CDH13: variants seen among roughly 807,000 people sequenced by gnomAD.
CDH13 encodes cadherin 13.
A neutral mutation model predicts 63.8 loss-of-function variants in CDH13; 24 were observed. The observed-to-expected ratio is 0.38, with a 90% CI of 0.27 to 0.53. The LOEUF (loss-of-function observed/expected upper bound fraction) is 0.53. Among genes scored for constraint, CDH13 ranks in the 20% least tolerant of loss-of-function variants. CDH13 has a pLI of 0.85. For missense variants in CDH13, 1,049 were observed against 903.1 expected, an observed-to-expected ratio of 1.16 and a Z score of -2.07; for synonymous variants, 503 against 355.3, an observed-to-expected ratio of 1.42 and a Z score of -4.67.
chr16:83,417,307 C>G (rs772052526), intron 6 of CDH13, among the ~76,000 whole-genome samples: 1 of 152,172 alleles, frequency 6.6e-6, no homozygotes, highest in Non-Finnish European at 1.5e-5. Flanking sequence ...TTCCGGTTTT[C>G]TCCCCTTTCC....
chr16:82,844,691 G>C (rs1174802199), intron 1 of CDH13: 1 of 142,224 alleles, frequency 7.0e-6, no homozygotes, highest in African/African-American at 2.6e-5. Flanking sequence ...CCAGGCTGGA[G>C]TGCGGTGATG....
chr16:83,565,560 G>A (rs1228270854), intron 7 of CDH13, among the ~76,000 whole-genome samples: 1 of 151,952 alleles, frequency 6.6e-6, no homozygotes, highest in East Asian at 1.9e-4. Context: ...CTGAGAGGAA[G>A]GACAAGGCAG....
intron 3 of CDH13, among the ~76,000 whole-genome samples, chr16:83,080,871 G>GTTTT (rs71148809): frequency 0.066 from 3,107 of 46,816 alleles, 675 homozygotes; most frequent in Non-Finnish European, 0.089. Context: ...TTGTTTTTGT[G>GTTTT]TTTTTTTTTT....
At chr16:83,653,920 A>T (rs1258200581) in intron 8 of CDH13, among the ~76,000 whole-genome samples, 2 of 152,142 alleles carry the variant, frequency 1.3e-5, no homozygotes, top group African/African-American at 4.8e-5. Context: ...CAGACAGGGG[A>T]TTGAAGGCTT....
At chr16:82,852,430 C>T (rs1416758019) in intron 1 of CDH13, among the ~76,000 whole-genome samples, 3 of 152,144 alleles carry the variant, frequency 2.0e-5, no homozygotes, top group African/African-American at 7.2e-5. Flanking sequence ...ACTCTGCCAC[C>T]TTGGGAGTCC....
chr16:83,077,957 G>A (rs2032967498), intron 3 of CDH13, among the ~76,000 whole-genome samples: 1 of 152,056 alleles, frequency 6.6e-6, no homozygotes, highest in Non-Finnish European at 1.5e-5. Context: ...CTACCCATAT[G>A]TATGCTTATT....
chr16:82,907,323 C>T (rs924099361), intron 2 of CDH13, among the ~76,000 whole-genome samples: 4 of 152,068 alleles, frequency 2.6e-5, no homozygotes, highest in South Asian at 4.2e-4. Flanking sequence ...CCTCACTAGG[C>T]TCCCGGAAGA....
intron 10 of CDH13, among the ~76,000 whole-genome samples, chr16:83,691,261 G>A (rs561067323): frequency 3.9e-5 from 6 of 152,258 alleles, no homozygotes; most frequent in South Asian, 2.1e-4. Context: ...ACAGGAATTC[G>A]GTCTTGTTCT....
intron 13 of CDH13, among the ~76,000 whole-genome samples, chr16:83,787,004 A>C (rs1405022708): frequency 6.6e-6 from 1 of 152,174 alleles, no homozygotes; most frequent in Non-Finnish European, 1.5e-5. Flanking sequence ...GCTACCATGA[A>C]TTAGCTATTC....
In CDH13 at chr16:83,115,351, TACTC is replaced by T. The variant is rs372845027; in HGVS notation, c.367-10032_367-10029del. On this transcript the variant is annotated intron_variant, in intron 3 of 13. Coordinates refer to ENST00000567109, the MANE Select transcript of CDH13 (RefSeq NM_001257.5). The stretch of plus-strand genomic sequence containing the variant: ...AGCACTGTGCCTGGCATGTAATAAA[TACTC>T]AATAAATGGCAGTATTTTCTATGGC... Among the ~76,000 whole-genome samples, 689 of 152,334 alleles carry T rather than the reference TACTC, an allele frequency of 4.5e-3. 6 individuals are homozygous for T. Among genetic ancestry groups the T allele is most frequent in the African/African-American group, 0.016 (657 of 41,582 alleles).
chr16:83,241,822 A>G (rs4782760), intron 5 of CDH13, among the ~76,000 whole-genome samples: 150,641 of 152,270 alleles, frequency 0.99, 74,538 homozygotes, highest in Non-Finnish European at 1. Context: ...TTTGATGAGC[A>G]TAAGTTTTTA....
At chr16:83,387,263 G>A (rs1358620278) in intron 6 of CDH13, among the ~76,000 whole-genome samples, 1 of 152,154 alleles carries the variant, frequency 6.6e-6, no homozygotes, top group Non-Finnish European at 1.5e-5. Context: ...CTCAACTTAA[G>A]GGCTGTTCTT....
chr16:82,672,266 G>A (rs995267962), intron 1 of CDH13, among the ~76,000 whole-genome samples: 3 of 152,134 alleles, frequency 2.0e-5, no homozygotes, highest in Admixed American at 6.5e-5. Context: ...CTGATATAAT[G>A]TATGCACACC....
At chr16:83,685,896 G>T (rs1055336838) in intron 10 of CDH13, among the ~76,000 whole-genome samples, 2 of 152,130 alleles carry the variant, frequency 1.3e-5, no homozygotes, top group Non-Finnish European at 2.9e-5. Context: ...TTTTCACAAC[G>T]CCCTGCAGAC....
chr16:83,349,702 G>A (rs2090911762), intron 6 of CDH13, among the ~76,000 whole-genome samples: 2 of 152,014 alleles, frequency 1.3e-5, no homozygotes, highest in South Asian at 4.2e-4. Flanking sequence ...CTGCATTCAA[G>A]CAATTCTCCT....
chr16:83,488,913 C>T (rs539321518), intron 7 of CDH13, among the ~76,000 whole-genome samples: 1 of 152,330 alleles, frequency 6.6e-6, no homozygotes, highest in African/African-American at 2.4e-5. Context: ...GGATGAGCCA[C>T]TGCGCCCGGC....
chr16:83,122,779 A>G (rs1257268767), intron 3 of CDH13, among the ~76,000 whole-genome samples: 3 of 152,224 alleles, frequency 2.0e-5, no homozygotes, highest in African/African-American at 4.8e-5. Flanking sequence ...TAGTATCGGA[A>G]GAGTATCTAA....
chr16:83,337,745 T>C (rs2090631291), intron 5 of CDH13, among the ~76,000 whole-genome samples: 1 of 147,800 alleles, frequency 6.8e-6, no homozygotes, highest in African/African-American at 2.5e-5. Flanking sequence ...GGCAGGATGC[T>C]ACATAATATA....
At chr16:83,582,251 G>A (rs8054505) in intron 7 of CDH13, among the ~76,000 whole-genome samples, 39,449 of 152,034 alleles carry the variant, frequency 0.26, 5,258 homozygotes, top group South Asian at 0.35. Flanking sequence ...TTACGCAGAT[G>A]TTTCTGGGTT....
Sources: allele counts gnomAD v4.1 joint callset (sites outside exome capture counted in the v4.1 genomes callset), GRCh38; gene constraint gnomAD v4.1.1; transcripts MANE v1.5; gene names NCBI Gene and HGNC (gene_info 2026-07-23, HGNC 2026-07-21).